Variants in DNAJC3 observed in about 807,000 individuals in gnomAD.
The protein encoded by DNAJC3 is DnaJ heat shock protein family (Hsp40) member C3, also known as dnaJ homolog subfamily C member 3.
In DNAJC3, 38 loss-of-function variants were observed where a neutral mutation model predicts 68.6. The ratio of observed to expected loss-of-function variants is 0.55; its 90% CI spans 0.43 to 0.73. The LOEUF (loss-of-function observed/expected upper bound fraction) is 0.73. DNAJC3 is among the 30% of genes least tolerant of loss of function. The pLI is 0.00. For synonymous variants in DNAJC3, 203 were observed against 204.0 expected, an observed-to-expected ratio of 1.00 and a Z score of 0.04; for missense variants, 526 against 591.9, an observed-to-expected ratio of 0.89 and a Z score of 1.16.
intron 2 of DNAJC3, among the ~76,000 whole-genome samples, chr13:95,718,885 A>ATGTCCTCTAATTCTGTTCAGT: frequency 6.6e-6 from 1 of 152,258 alleles, no homozygotes; most frequent in Non-Finnish European, 1.5e-5. Flanking sequence ...CAGCAGCTGG[A>ATGTCCTCTAATTCTGTTCAGT]TGTCCTCTAA....
chr13:95,687,894 C>T (rs564952556), intron 1 of DNAJC3, among the ~76,000 whole-genome samples: 25 of 152,294 alleles, frequency 1.6e-4, no homozygotes, highest in South Asian at 4.1e-4. Flanking sequence ...GATATTGATT[C>T]TTCCAACCTG....
chr13:95,770,014 C>T (rs1883116178), intron 9 of DNAJC3, among the ~76,000 whole-genome samples: 1 of 152,116 alleles, frequency 6.6e-6, no homozygotes, highest in Non-Finnish European at 1.5e-5. Context: ...GTAAAAAGTG[C>T]TAAGGAAAAA....
intron 4 of DNAJC3, among the ~76,000 whole-genome samples, chr13:95,735,366 T>C (rs1242360171): frequency 9.0e-6 from 1 of 111,032 alleles, no homozygotes; most frequent in African/African-American, 3.7e-5. Flanking sequence ...AAATGGTATT[T>C]CCAGTTCTAG....
chr13:95,686,890 A>T (rs1880087453), intron 1 of DNAJC3, among the ~76,000 whole-genome samples: 1 of 152,128 alleles, frequency 6.6e-6, no homozygotes, highest in Admixed American at 6.5e-5. Context: ...TGGACTTTAG[A>T]ATTGTTTTTC....
intron 9 of DNAJC3, among the ~76,000 whole-genome samples, chr13:95,779,177 T>A (rs1311346862): frequency 1.4e-5 from 2 of 139,866 alleles, no homozygotes; most frequent in East Asian, 4.2e-4. Context: ...CAGGCTGGAG[T>A]GCAGTGGCAT....
chr13:95,731,113 G>T (rs1169668501), intron 4 of DNAJC3, among the ~76,000 whole-genome samples: 2 of 152,054 alleles, frequency 1.3e-5, no homozygotes, highest in East Asian at 3.9e-4. Flanking sequence ...CATTATTGGT[G>T]TATAGAGATG....
intron 4 of DNAJC3, among the ~76,000 whole-genome samples, chr13:95,741,372 G>A (rs1384156084): frequency 1.3e-5 from 2 of 152,182 alleles, no homozygotes; most frequent in East Asian, 1.9e-4. Context: ...GGCTTAGGGT[G>A]CAGTTGTTAT....
chr13:95,739,845 T>C (rs940644845), intron 4 of DNAJC3, among the ~76,000 whole-genome samples: 1 of 152,240 alleles, frequency 6.6e-6, no homozygotes, highest in African/African-American at 2.4e-5. Flanking sequence ...CTTTGTTCTG[T>C]TGCTGGTGAG....
chr13:95,680,816 A>C (rs779287522), intron 1 of DNAJC3, among the ~76,000 whole-genome samples: 2 of 151,828 alleles, frequency 1.3e-5, no homozygotes, highest in Non-Finnish European at 3.0e-5. Flanking sequence ...CCTGCAGTTA[A>C]TCTTTGTTTA....
intron 1 of DNAJC3, among the ~76,000 whole-genome samples, chr13:95,677,852 C>T (rs1879804732): frequency 6.6e-6 from 1 of 152,156 alleles, no homozygotes; most frequent in African/African-American, 2.4e-5. Context: ...GTAACCATCC[C>T]CATTAAGATG....
chr13:95,754,814 G>C (rs1347083574), intron 4 of DNAJC3, among the ~76,000 whole-genome samples: 10 of 152,156 alleles, frequency 6.6e-5, no homozygotes, highest in African/African-American at 2.4e-4. Context: ...TGCCAACCTG[G>C]TGTTTTTATT....
chr13:95,773,605 T>C lies in DNAJC3; in HGVS notation c.1075+9652T>C, dbSNP rs189859468. Among the ~76,000 whole-genome samples the C allele has an allele frequency of 1.1e-3, 170 of 152,202 alleles. 1 individual carries two copies. Among genetic ancestry groups the C allele is most frequent in the African/African-American group, 3.6e-3 (149 of 41,546 alleles). On this transcript the variant is annotated intron_variant, in intron 9 of 11. Transcript: ENST00000602402. ...ATTTGTTGGCATGAAGTTCATAATA[T>C]TATCTTATTATTTAATGTCTATAAG...
chr13:95,755,480 C>T (rs1882626675), intron 4 of DNAJC3, among the ~76,000 whole-genome samples: 1 of 151,506 alleles, frequency 6.6e-6, no homozygotes, highest in South Asian at 2.1e-4. Flanking sequence ...AAAAATGGGC[C>T]TGGCTCAGTG....
chr13:95,781,820 TTTAC>T (rs1455102083), intron 9 of DNAJC3, among the ~76,000 whole-genome samples: 1 of 152,062 alleles, frequency 6.6e-6, no homozygotes, highest in Non-Finnish European at 1.5e-5. Context: ...TTTTTTTTTT[TTTAC>T]TTTAAGTTCT....
At chr13:95,713,099 C>G (rs1881025707) in intron 2 of DNAJC3, among the ~76,000 whole-genome samples, 1 of 152,154 alleles carries the variant, frequency 6.6e-6, no homozygotes, top group South Asian at 2.1e-4. Context: ...GGGAAATTTA[C>G]TCATGCCGAA....
At chr13:95,729,619 C>T (rs1593985420) in intron 4 of DNAJC3, among the ~76,000 whole-genome samples, 1 of 152,004 alleles carries the variant, frequency 6.6e-6, no homozygotes, top group South Asian at 2.1e-4. Context: ...AATTTACATT[C>T]CTGCCAACAG....
At position 95,696,578 on chromosome 13, in the gene DNAJC3, T is replaced by A. The variant is rs564724575; in HGVS notation, c.83-12649T>A. Among the ~76,000 whole-genome samples, 988 of 152,264 alleles carry A rather than the reference T, an allele frequency of 6.5e-3. 10 individuals are homozygous for A. The highest frequency in any genetic ancestry group is 0.023 in the African/African-American group (942 of 41,536). ...CTTCTTTGCCTTTTTTAAAAAAAAA[T>A]TTTAAATTGTTGTTGGTTTAAAGTC... is the stretch of plus-strand genomic sequence containing the variant. On this transcript the variant is annotated intron_variant, in intron 1 of 11. Transcript: ENST00000602402.
chr13:95,740,536 G>T (rs1882100808), intron 4 of DNAJC3, among the ~76,000 whole-genome samples: 1 of 151,976 alleles, frequency 6.6e-6, no homozygotes, highest in African/African-American at 2.4e-5. Context: ...TAAGCCCGTC[G>T]GAAAAGCGCA....
At chr13:95,729,282 CT>C (rs1328048313) in intron 4 of DNAJC3, among the ~76,000 whole-genome samples, 1 of 113,348 alleles carries the variant, frequency 8.8e-6, no homozygotes, top group African/African-American at 3.4e-5. Flanking sequence ...CCCCCTCCCC[CT>C]CCCTCTCCTT....
Sources: allele counts gnomAD v4.1 joint callset (sites outside exome capture counted in the v4.1 genomes callset), GRCh38; gene constraint gnomAD v4.1.1; transcripts MANE v1.5; gene names NCBI Gene and HGNC (gene_info 2026-07-23, HGNC 2026-07-21).